GARNL3: variants seen among roughly 807,000 people sequenced by gnomAD.
GARNL3 encodes GTPase-activating Rap/Ran-GAP domain-like protein 3.
A neutral mutation model predicts 125.0 loss-of-function variants in GARNL3; 63 were observed. That is an observed-to-expected ratio of 0.50 (90% CI 0.41 to 0.62). GARNL3 has a LOEUF of 0.62. Among genes scored for constraint, GARNL3 ranks in the 20% least tolerant of loss-of-function variants. The probability of loss-of-function intolerance (pLI) is 0.00; values close to 1 mark genes in which losing one functional copy is unlikely to be tolerated. For missense variants in GARNL3, 994 were observed against 1,244.0 expected, an observed-to-expected ratio of 0.80 and a Z score of 3.02; for synonymous variants, 439 against 457.5, an observed-to-expected ratio of 0.96 and a Z score of 0.52.
intron 2 of GARNL3, among the ~76,000 whole-genome samples, chr9:127,292,110 A>C (rs1167003288): frequency 5.3e-5 from 8 of 151,928 alleles, no homozygotes; most frequent in African/African-American, 1.9e-4. Flanking sequence ...CCTAATGCAA[A>C]TTCTCGGTAA....
chr9:127,297,831 T>C (rs1283963430), intron 2 of GARNL3, among the ~76,000 whole-genome samples: 1 of 152,228 alleles, frequency 6.6e-6, no homozygotes, highest in African/African-American at 2.4e-5. Flanking sequence ...GGATTCTTAG[T>C]TTCTTAAAGC....
intron 6 of GARNL3, among the ~76,000 whole-genome samples, chr9:127,321,690 C>T (rs1357985128): frequency 6.6e-6 from 1 of 152,188 alleles, no homozygotes; most frequent in African/African-American, 2.4e-5. Context: ...CTTACAAACA[C>T]AGCCATCACT....
chr9:127,325,830 C>T (rs2065552356), intron 7 of GARNL3, among the ~76,000 whole-genome samples: 1 of 152,218 alleles, frequency 6.6e-6, no homozygotes, highest in Non-Finnish European at 1.5e-5. Flanking sequence ...CTTTTCCTGG[C>T]TTCCACTCTC....
Position 127,383,493 on chromosome 9 carries a change from A to G in GARNL3, c.2217A>G (p.Gln739=), listed in dbSNP as rs62579716. The change falls in exon 23 of 28, where the codon CAA becomes CAG. Residue 739 remains glutamine, a synonymous_variant. Coordinates refer to ENST00000373387, the MANE Select transcript of GARNL3 (RefSeq NM_032293.5). ...CPFNGGSFLV[Q]PSASDFQFCW... ...TTAATGGTGGCTCTTTTTTGGTTCA[A>G]CCTTCTGCGTCAGATTTCCAGTTCT... 112 of 1,612,906 alleles carry G rather than the reference A, an allele frequency of 6.9e-5. No individual in the cohort carries two copies. The highest frequency in any genetic ancestry group is 8.0e-5 in the Non-Finnish European group (94 of 1,179,606).
intron 21 of GARNL3, among the ~76,000 whole-genome samples, chr9:127,358,436 G>A (rs75814044): frequency 0.012 from 1,866 of 152,284 alleles, 44 homozygotes; most frequent in African/African-American, 0.043. Context: ...CAGACCCACA[G>A]GCTACCTCCA....
At chr9:127,349,912 C>T (rs903081503) in intron 17 of GARNL3, among the ~76,000 whole-genome samples, 1 of 152,192 alleles carries the variant, frequency 6.6e-6, no homozygotes, top group Admixed American at 6.5e-5. Context: ...GACATAATGG[C>T]CTAAAACTGT....
chr9:127,231,878 A>T (rs1470214562), intron 1 of GARNL3, among the ~76,000 whole-genome samples: 1 of 152,242 alleles, frequency 6.6e-6, no homozygotes, highest in Non-Finnish European at 1.5e-5. Flanking sequence ...TCACAAGGTC[A>T]TCAGTGGGTT....
At chr9:127,338,540 A>G (rs1213121849) in intron 12 of GARNL3, among the ~76,000 whole-genome samples, 1 of 152,260 alleles carries the variant, frequency 6.6e-6, no homozygotes, top group Non-Finnish European at 1.5e-5. Context: ...AATAGATTTG[A>G]GTTCGAATCC....
chr9:127,229,924 G>A (rs1022536696), intron 1 of GARNL3, among the ~76,000 whole-genome samples: 8 of 152,218 alleles, frequency 5.3e-5, no homozygotes, highest in Admixed American at 4.6e-4. Context: ...AATATCTGAT[G>A]TCAGCTCTGA....
At chr9:127,383,693 T>G in intron 23 of GARNL3, 148 bp downstream of exon 23, 3 of 546,108 alleles carry the variant, frequency 5.5e-6, no homozygotes, top group Non-Finnish European at 9.6e-6. Context: ...GTTCTTTTTC[T>G]TTTTCTTTTA....
At chr9:127,367,261 G>T (rs1472676925) in intron 22 of GARNL3, 1 of 152,192 alleles carries the variant, frequency 6.6e-6, no homozygotes, top group African/African-American at 2.4e-5. Flanking sequence ...TTCTTGACTT[G>T]ATCACAGACG....
intron 1 of GARNL3, among the ~76,000 whole-genome samples, chr9:127,241,951 G>A (rs1443042219): frequency 2.0e-5 from 3 of 151,588 alleles, no homozygotes; most frequent in Non-Finnish European, 4.4e-5. Context: ...TGTTGTTGTT[G>A]TTGTTGTTGT....
chr9:127,320,907 T>A, intron 6 of GARNL3, 129 bp downstream of exon 6: 1 of 643,220 alleles, frequency 1.6e-6, no homozygotes, highest in Non-Finnish European at 2.7e-6. Flanking sequence ...AAAAAAATCA[T>A]CATGGGAGAA....
At chr9:127,261,520 C>T (rs1450490831), upstream of GARNL3, among the ~76,000 whole-genome samples, 2 of 149,586 alleles carry the variant, frequency 1.3e-5, no homozygotes, top group African/African-American at 2.5e-5. Context: ...AAGTGATTCT[C>T]CTGCCTCAAC....
At chr9:127,366,492 G>A (rs1422251498) in intron 22 of GARNL3, among the ~76,000 whole-genome samples, 1 of 152,214 alleles carries the variant, frequency 6.6e-6, no homozygotes, top group Non-Finnish European at 1.5e-5. Flanking sequence ...CAGGTTTATG[G>A]CTGCATGGTA....
chr9:127,259,488 C>T (rs1426786821), upstream of GARNL3, among the ~76,000 whole-genome samples: 1 of 152,060 alleles, frequency 6.6e-6, no homozygotes. Context: ...CTTGTCATGG[C>T]AACAGGGGGT....
intron 21 of GARNL3, chr9:127,363,003 T>A (rs1262148183): frequency 6.6e-6 from 1 of 152,268 alleles, no homozygotes; most frequent in Non-Finnish European, 1.5e-5. Flanking sequence ...GCCCATCCGA[T>A]GAGTTTATTC....
intron 2 of GARNL3, among the ~76,000 whole-genome samples, chr9:127,293,753 G>C (rs1349242433): frequency 6.6e-6 from 1 of 152,102 alleles, no homozygotes. Context: ...CTGATTGTGT[G>C]CTACTTATTG....
intron 25 of GARNL3, 189 bp from the exon 26 acceptor site, chr9:127,388,715 T>C: frequency 1.7e-6 from 1 of 594,304 alleles, no homozygotes; most frequent in South Asian, 2.0e-5. Context: ...AAAATGCTCT[T>C]AGAAAACGCA....
Sources: allele counts gnomAD v4.1 joint callset (sites outside exome capture counted in the v4.1 genomes callset), GRCh38; gene constraint gnomAD v4.1.1; transcripts MANE v1.5; gene names NCBI Gene and HGNC (gene_info 2026-07-23, HGNC 2026-07-21).